CYP4F2: variants seen among roughly 807,000 people sequenced by gnomAD.
CYP4F2 encodes cytochrome P450 4F2.
A neutral mutation model predicts 58.9 loss-of-function variants in CYP4F2; 58 were observed. The observed-to-expected ratio is 0.98, with a 90% CI of 0.80 to 1.23. The LOEUF (loss-of-function observed/expected upper bound fraction) is 1.23. CYP4F2 is among the 50% of genes most tolerant of loss of function. CYP4F2 has a pLI of 0.00. For missense variants in CYP4F2, 616 were observed against 685.6 expected, an observed-to-expected ratio of 0.90 and a Z score of 1.13; for synonymous variants, 287 against 261.1, an observed-to-expected ratio of 1.10 and a Z score of -0.95.
intron 9 of CYP4F2, among the ~76,000 whole-genome samples, chr19:15,882,760 T>G (rs1367557771): frequency 2.0e-5 from 3 of 152,324 alleles, no homozygotes; most frequent in African/African-American, 7.2e-5. Context: ...AAACTCGTAT[T>G]TTAAGAAAAA....
At chr19:15,879,981 T>C in intron 9 of CYP4F2, 84 bp from the exon 10 acceptor site, 7 of 1,576,028 alleles carry the variant, frequency 4.4e-6, no homozygotes, top group Non-Finnish European at 5.1e-6. Context: ...AGTGAGACCT[T>C]TTCTCCCCGC....
At chr19:15,895,907 C>CATCT (rs77317062) in intron 2 of CYP4F2, among the ~76,000 whole-genome samples, 26,979 of 151,924 alleles carry the variant, frequency 0.18, 2,567 homozygotes, top group African/African-American at 0.23. Flanking sequence ...GCCATCTATC[C>CATCT]GTCTAATCTA....
At position 15,885,357 on chromosome 19, in the gene CYP4F2, T is replaced by C. The variant is rs1490531330; in HGVS notation, c.1115+567A>G. 2.6e-5 allele frequency among the ~76,000 whole-genome samples: 4 copies of C among 152,278 alleles called. No homozygotes were observed. In the East Asian group the frequency reaches 5.8e-4, roughly 22 times the overall value. On this transcript the variant is annotated intron_variant, in intron 9 of 12. Coordinates refer to ENST00000221700, the MANE Select transcript of CYP4F2 (RefSeq NM_001082.5). Reference sequence around the variant, plus strand: ...GCTCCACCACCAGGCTGGGAGCACCTGGAAAACAGATCCCTGGGTTGGTTC... The same window carrying C: ...GCTCCACCACCAGGCTGGGAGCACCCGGAAAACAGATCCCTGGGTTGGTTC...
At chr19:15,895,437 A>C in intron 3 of CYP4F2, 69 bp downstream of exon 3, 4 of 1,451,512 alleles carry the variant, frequency 2.8e-6, no homozygotes, top group Non-Finnish European at 3.6e-6. Context: ...CAGGGCCCAC[A>C]CAGGAGCTTG....
chr19:15,885,076 C>T (rs1348643904), intron 9 of CYP4F2, among the ~76,000 whole-genome samples: 1 of 151,560 alleles, frequency 6.6e-6, no homozygotes, highest in African/African-American at 2.4e-5. Context: ...CCTTTCTGTC[C>T]TGACCCTGCT....
Position 15,885,930 on chromosome 19 carries a change from A to T in CYP4F2, c.1109T>A (p.Ile370Asn). ...ELLKDREPKE[I>N]EWDDLAHLPF... Reference sequence around the variant, plus strand: ...CACAAGCACCTGCACTCACCATTCAATCTCTTTAGGCTCACGGTCCTTCAG... The same window carrying T: ...CACAAGCACCTGCACTCACCATTCATTCTCTTTAGGCTCACGGTCCTTCAG... Residue 370 changes from isoleucine (I) to asparagine (N), a missense_variant, in exon 9 of 13, where the codon ATT (isoleucine) becomes AAT (asparagine). By Grantham distance (149) the Ile-to-Asn change is moderately radical (BLOSUM62 -3). Coordinates refer to ENST00000221700, the MANE Select transcript of CYP4F2 (RefSeq NM_001082.5). 1 of 1,613,236 alleles carries T rather than the reference A, an allele frequency of 6.2e-7. No homozygotes were observed. Among genetic ancestry groups the T allele is most frequent in the East Asian group, 2.2e-5 (1 of 44,808 alleles).
At chr19:15,881,389 T>C (rs1226652670) in intron 9 of CYP4F2, among the ~76,000 whole-genome samples, 1 of 152,170 alleles carries the variant, frequency 6.6e-6, no homozygotes, top group African/African-American at 2.4e-5. Context: ...AGTATATGAA[T>C]ATATATTTAT....
intron 3 of CYP4F2, among the ~76,000 whole-genome samples, chr19:15,894,872 G>A (rs370577884): frequency 2.0e-5 from 3 of 152,156 alleles, no homozygotes; most frequent in African/African-American, 7.2e-5. Context: ...AACGAACTTA[G>A]GGCAGACAAG....
Position 15,886,576 on chromosome 19 carries a change from G to T in CYP4F2, c.919-268C>A, listed in dbSNP as rs189880078. 294 of 422,828 alleles carry T rather than the reference G, an allele frequency of 7.0e-4. 1 individual carries two copies. Among genetic ancestry groups the T allele is most frequent in the Non-Finnish European group, 8.0e-4 (192 of 240,144 alleles). The allele number at this position is 422,828 out of a possible 1,614,324, so 26.2% of individuals were successfully genotyped here. A position where few individuals can be genotyped will look rare whatever the true frequency, so the allele number is the denominator to read the frequency against. On this transcript the variant is annotated intron_variant, in intron 7 of 12. Coordinates refer to ENST00000221700, the MANE Select transcript of CYP4F2 (RefSeq NM_001082.5). ...GAATATTTTAATGAAAAGTTTCTGA[G>T]AAAAAGTTACTGGCAACCTGAGTTA...
intron 3 of CYP4F2, among the ~76,000 whole-genome samples, chr19:15,894,422 A>G (rs3093124): frequency 0.15 from 22,922 of 152,096 alleles, 1,838 homozygotes; most frequent in Non-Finnish European, 0.17. Flanking sequence ...CCTTTCCCAT[A>G]AGAACTGAGC....
At chr19:15,891,294 A>G (rs1010042032) in intron 5 of CYP4F2, among the ~76,000 whole-genome samples, 1 of 152,168 alleles carries the variant, frequency 6.6e-6, no homozygotes, top group Non-Finnish European at 1.5e-5. Context: ...CACCTGTGTC[A>G]GCCCATGGGA....
chr19:15,896,835 G>C (rs909939098), intron 2 of CYP4F2, among the ~76,000 whole-genome samples: 2 of 152,242 alleles, frequency 1.3e-5, no homozygotes, highest in Non-Finnish European at 2.9e-5. Flanking sequence ...CAGAGGGCAA[G>C]GTCACGGGGA....
chr19:15,890,649 C>G (rs905790100), intron 5 of CYP4F2, among the ~76,000 whole-genome samples: 5 of 152,192 alleles, frequency 3.3e-5, no homozygotes, highest in African/African-American at 1.2e-4. Flanking sequence ...GGTTCAAGTT[C>G]CAGCTCTGTC....
chr19:15,882,840 A>G (rs1409471016), intron 9 of CYP4F2, among the ~76,000 whole-genome samples: 1 of 152,238 alleles, frequency 6.6e-6, no homozygotes, highest in East Asian at 1.9e-4. Context: ...AAAACACAGT[A>G]TGTGTTCATA....
chr19:15,892,311 G>A lies in CYP4F2; in HGVS notation c.523C>T (p.His175Tyr). ...GACCTTGGCTTCAAATAACTCACGT[G>A]CATGATGTTCACACTCTCATTGAAA... Reference protein sequence around the residue: ...KIFNESVNIMHAKWQLLASEG... With the variant: ...KIFNESVNIMYAKWQLLASEG... Residue 175 changes from histidine (H) to tyrosine (Y), a missense_variant and splice_region_variant, in exon 5 of 13, where the codon CAC (histidine) becomes TAC (tyrosine). Physicochemically the swap from His to Tyr is moderately conservative, Grantham distance 83. Transcript: ENST00000221700. The A allele has an allele frequency of 6.2e-7, 1 of 1,614,148 alleles. No individual in the cohort carries two copies. Among genetic ancestry groups the A allele is most frequent in the Non-Finnish European group, 8.5e-7 (1 of 1,180,016 alleles).
chr19:15,890,005 TC>T (rs2089407157), intron 6 of CYP4F2, among the ~76,000 whole-genome samples: 2 of 152,150 alleles, frequency 1.3e-5, no homozygotes, highest in African/African-American at 2.4e-5. Context: ...TCCACAAAGC[TC>T]AGACTTTATC....
chr19:15,879,937 A>G, intron 9 of CYP4F2, 40 bp from the exon 10 acceptor site: 7 of 1,607,382 alleles, frequency 4.4e-6, no homozygotes, highest in Non-Finnish European at 5.9e-6. Context: ...TCAAGGGAGC[A>G]AAGACACAAT....
Position 15,879,623 on chromosome 19 carries a change from G to C in CYP4F2, c.1295C>G (p.Ala432Gly), listed in dbSNP as rs149904424. The C allele has an allele frequency of 1.9e-6, 3 of 1,614,022 alleles. No homozygotes were observed. The highest frequency in any genetic ancestry group is 2.5e-6 in the Non-Finnish European group (3 of 1,180,012). Reference protein sequence around the residue: ...ISVFGTHHNPAVWPDPEVYDP... With the variant: ...ISVFGTHHNPGVWPDPEVYDP... ...CCGCACCTCAGGGTCCGGCCACACA[G>C]CTGGGTTGTGATGGGTTCCGAAAAC... Residue 432 changes from alanine to glycine, a missense_variant, in exon 11 of 13, where the codon GCT becomes GGT. Coordinates refer to ENST00000221700, the MANE Select transcript of CYP4F2 (RefSeq NM_001082.5).
chr19:15,890,475 C>T (rs763142808), intron 5 of CYP4F2, 42 bp from the exon 6 acceptor site: 6 of 1,609,176 alleles, frequency 3.7e-6, no homozygotes. Context: ...GCTCCTTGCT[C>T]CCTTGAGCAC....
Sources: gnomAD v4.1 joint callset for allele counts (sites outside exome capture counted in the v4.1 genomes callset) on GRCh38, gnomAD v4.1.1 for gene constraint, MANE v1.5 for transcripts, NCBI Gene and HGNC (gene_info 2026-07-23, HGNC 2026-07-21) for gene names.